The following NCKAP5 variants were observed in gnomAD, a reference collection of about 807,000 sequenced individuals.
The protein encoded by NCKAP5 is NCK associated protein 5.
Under a neutral mutation model 167.0 loss-of-function variants are expected in NCKAP5, and 92 were observed. The observed-to-expected ratio is 0.55, with a 90% CI of 0.47 to 0.66. The LOEUF is 0.66. Among genes scored for constraint, NCKAP5 ranks in the 30% least tolerant of loss-of-function variants. NCKAP5 has a pLI of 0.00. For synonymous variants in NCKAP5, 891 were observed against 877.4 expected (o/e 1.02, Z -0.27); for missense variants, 2,378 against 2,315.0 (o/e 1.03, Z -0.56).
chr2:133,431,151 A>G (rs1366366556), intron 3 of NCKAP5, among the ~76,000 whole-genome samples: 2 of 152,160 alleles, frequency 1.3e-5, no homozygotes, highest in Non-Finnish European at 2.9e-5. Flanking sequence ...TTCCAGTTCC[A>G]GACCATGTGC....
intron 3 of NCKAP5, among the ~76,000 whole-genome samples, chr2:133,461,357 G>C (rs1692189317): frequency 6.6e-6 from 1 of 152,032 alleles, no homozygotes; most frequent in Non-Finnish European, 1.5e-5. Flanking sequence ...CTTCTTAATA[G>C]TTTACTGGGT....
At chr2:133,527,246 C>T (rs1364597789) in intron 2 of NCKAP5, 1 of 151,982 alleles carries the variant, frequency 6.6e-6, no homozygotes, top group Non-Finnish European at 1.5e-5. Flanking sequence ...TTTTGAAAAT[C>T]CAGCAAAAGG....
chr2:132,956,203 G>T (rs977156847), intron 8 of NCKAP5, among the ~76,000 whole-genome samples: 1 of 152,162 alleles, frequency 6.6e-6, no homozygotes, highest in African/African-American at 2.4e-5. Context: ...TGCCATAAAT[G>T]TATCTAATTA....
the NCKAP5 span, among the ~76,000 whole-genome samples, chr2:133,649,050 A>AAG: frequency 6.6e-6 from 1 of 151,964 alleles, no homozygotes; most frequent in African/African-American, 2.4e-5. Flanking sequence ...AAAATGAAAG[A>AAG]AGAGACATTG....
chr2:133,492,170 T>TGTGTGTGTGTGTGTGTGTGTG (rs1559524824), intron 3 of NCKAP5, among the ~76,000 whole-genome samples: 43 of 151,560 alleles, frequency 2.8e-4, no homozygotes, highest in Middle Eastern at 3.4e-3. Flanking sequence ...TGTGTGTGTG[T>TGTGTGTGTGTGTGTGTGTGTG]TAAGGTCTAT....
rs56861595 is a variant in NCKAP5, at chr2:133,461,536, G to A, written c.69+55922C>T. ...TCAATGGGACAGATCTCCTTTCTGC[G>A]CCCACTCAGAGTTCCAAGTCCCAAC... On this transcript the variant is annotated intron_variant, in intron 3 of 19. Transcript: ENST00000409261. Among the ~76,000 whole-genome samples the A allele has an allele frequency of 5.2e-3, 787 of 152,134 alleles. 7 individuals are homozygous for A. The highest frequency in any genetic ancestry group is 0.018 in the African/African-American group (733 of 41,504).
chr2:133,088,378 T>C (rs2081065554), intron 6 of NCKAP5, among the ~76,000 whole-genome samples: 1 of 152,122 alleles, frequency 6.6e-6, no homozygotes, highest in Non-Finnish European at 1.5e-5. Flanking sequence ...GTACGTGAAG[T>C]ACAATAGCTC....
intron 6 of NCKAP5, among the ~76,000 whole-genome samples, chr2:133,025,539 G>A (rs2078667813): frequency 6.6e-6 from 1 of 152,188 alleles, no homozygotes; most frequent in Non-Finnish European, 1.5e-5. Flanking sequence ...TTACTGTTGG[G>A]TGCTGTGGGT....
At position 133,411,949 on chromosome 2, in the gene NCKAP5, A is replaced by G. The variant is rs148150789; in HGVS notation, c.69+105509T>C. Among the ~76,000 whole-genome samples, 319 of 152,288 alleles carry G rather than the reference A, an allele frequency of 2.1e-3. 4 individuals are homozygous for G. Among genetic ancestry groups the G allele is most frequent in the African/African-American group, 7.3e-3 (302 of 41,558 alleles). ...TACTGTCATCTGAGAAGAGGCTTCAAACTAAGCTTCACTGTTCCTCCCTCT... is the reference window on the plus strand; with the variant it reads ...TACTGTCATCTGAGAAGAGGCTTCAGACTAAGCTTCACTGTTCCTCCCTCT... On this transcript the variant is annotated intron_variant, in intron 3 of 19. Transcript: ENST00000409261.
intron 19 of NCKAP5, among the ~76,000 whole-genome samples, chr2:132,720,712 G>T (rs1221390992): frequency 6.6e-6 from 1 of 152,148 alleles, no homozygotes; most frequent in East Asian, 1.9e-4. Context: ...CTGCCTAAGG[G>T]AAATTCCAGG....
intron 8 of NCKAP5, among the ~76,000 whole-genome samples, chr2:132,904,461 A>C (rs1326913948): frequency 1.3e-5 from 2 of 152,132 alleles, no homozygotes; most frequent in East Asian, 1.9e-4. Flanking sequence ...TGTTTGCTGC[A>C]AGGATTATGC....
At chr2:133,539,297 T>C (rs1035862281) in intron 2 of NCKAP5, among the ~76,000 whole-genome samples, 2 of 152,096 alleles carry the variant, frequency 1.3e-5, no homozygotes, top group Non-Finnish European at 2.9e-5. Context: ...CTAGTTCTAG[T>C]TGGGGTGTCT....
chr2:133,366,560 C>G (rs948008952), intron 3 of NCKAP5, among the ~76,000 whole-genome samples: 10 of 152,076 alleles, frequency 6.6e-5, no homozygotes, highest in African/African-American at 1.9e-4. Context: ...CCTCAGCCCC[C>G]CAAAGTGCTG....
At chr2:133,175,142 G>T (rs1372792354) in intron 5 of NCKAP5, among the ~76,000 whole-genome samples, 1 of 151,942 alleles carries the variant, frequency 6.6e-6, no homozygotes, top group African/African-American at 2.4e-5. Context: ...TATGCCCAGG[G>T]GTCATCTGTA....
At chr2:133,189,203 G>A (rs1243438810) in intron 5 of NCKAP5, among the ~76,000 whole-genome samples, 1 of 151,962 alleles carries the variant, frequency 6.6e-6, no homozygotes, top group Non-Finnish European at 1.5e-5. Context: ...ATAAATTCCT[G>A]GACACATACA....
intron 8 of NCKAP5, among the ~76,000 whole-genome samples, chr2:132,941,044 G>T (rs77773044): frequency 0.046 from 6,987 of 152,146 alleles, 460 homozygotes; most frequent in African/African-American, 0.14. Flanking sequence ...TAAAAGTCAA[G>T]TTGCTAGATT....
chr2:133,444,235 A>G (rs1425048894), intron 3 of NCKAP5, among the ~76,000 whole-genome samples: 1 of 152,182 alleles, frequency 6.6e-6, no homozygotes, highest in African/African-American at 2.4e-5. Flanking sequence ...ACCATGGTCT[A>G]GGGAAAGACT....
At chr2:133,535,222 AGTGT>A (rs1685668768) in intron 2 of NCKAP5, among the ~76,000 whole-genome samples, 3 of 151,994 alleles carry the variant, frequency 2.0e-5, no homozygotes, top group Non-Finnish European at 4.4e-5. Context: ...TTGAGTGTTA[AGTGT>A]ACCCATCACT....
intron 3 of NCKAP5, among the ~76,000 whole-genome samples, chr2:133,442,318 G>A (rs1261618023): frequency 2.6e-5 from 4 of 152,124 alleles, no homozygotes; most frequent in African/African-American, 7.2e-5. Flanking sequence ...TGACAAAGAC[G>A]ACCCTCCTCT....
Sources: allele counts gnomAD v4.1 joint callset (sites outside exome capture counted in the v4.1 genomes callset), GRCh38; gene constraint gnomAD v4.1.1; transcripts MANE v1.5; gene names NCBI Gene and HGNC (gene_info 2026-07-23, HGNC 2026-07-21).